Variants in DCC observed in about 807,000 individuals in gnomAD.
The protein encoded by DCC is netrin receptor DCC.
A neutral mutation model predicts 172.5 loss-of-function variants in DCC; 58 were observed. The observed-to-expected ratio is 0.34, with a 90% CI of 0.27 to 0.42. DCC has a LOEUF of 0.42. Among genes scored for constraint, DCC ranks in the 10% least tolerant of loss-of-function variants. The pLI, the probability that DCC is intolerant of heterozygous loss-of-function variation, is 1.00. For synonymous variants in DCC, 709 were observed against 644.5 expected (o/e 1.10, Z -1.52); for missense variants, 1,740 against 1,791.0 (o/e 0.97, Z 0.51).
At chr18:52,460,860 G>C (rs1350760307) in intron 1 of DCC, among the ~76,000 whole-genome samples, 1 of 152,160 alleles carries the variant, frequency 6.6e-6, no homozygotes, top group Non-Finnish European at 1.5e-5. Flanking sequence ...CTCTGGGTGA[G>C]TCAGTGAGTG....
chr18:53,448,532 A>G (rs1320536781), intron 22 of DCC, among the ~76,000 whole-genome samples: 1 of 152,188 alleles, frequency 6.6e-6, no homozygotes, highest in East Asian at 1.9e-4. Flanking sequence ...ACAATTCAAG[A>G]TGAGATTTAG....
chr18:53,135,256 C>T (rs1266290240), intron 7 of DCC, among the ~76,000 whole-genome samples: 1 of 152,088 alleles, frequency 6.6e-6, no homozygotes, highest in Non-Finnish European at 1.5e-5. Flanking sequence ...AAAAAGCCTC[C>T]TTCCAGAGAT....
intron 1 of DCC, among the ~76,000 whole-genome samples, chr18:52,467,659 C>T (rs1168897251): frequency 6.6e-6 from 1 of 152,170 alleles, no homozygotes; most frequent in Admixed American, 6.5e-5. Context: ...TTTACATTCC[C>T]ACCAACAGCG....
chr18:53,402,941 A>C (rs1909408474), intron 19 of DCC, 48 bp downstream of exon 19: 1 of 1,363,078 alleles, frequency 7.3e-7, no homozygotes, highest in Admixed American at 1.7e-5. Flanking sequence ...CTTGTCCTAT[A>C]ATTGCTTACC....
chr18:53,146,660 A>T (rs1231696782), intron 7 of DCC, among the ~76,000 whole-genome samples: 1 of 152,194 alleles, frequency 6.6e-6, no homozygotes, highest in Non-Finnish European at 1.5e-5. Flanking sequence ...TTTTTACTTT[A>T]TTCAAGAAAA....
rs368657072 is a variant in DCC, at chr18:52,856,450, A to C, written c.413-49594A>C. On this transcript the variant is annotated intron_variant, in intron 2 of 28. Coordinates refer to ENST00000442544, the MANE Select transcript of DCC (RefSeq NM_005215.4). ...ACCATCCTGGCTAACACGGTGAAAC[A>C]CCGTCTCTACTAAAAAATACAAAAA... 1.4e-3 allele frequency among the ~76,000 whole-genome samples: 205 copies of C among 151,448 alleles called. 1 individual carries two copies. Among genetic ancestry groups the C allele is most frequent in the African/African-American group, 4.7e-3 (194 of 41,326 alleles).
chr18:52,985,638 T>C (rs1275914686), intron 5 of DCC, among the ~76,000 whole-genome samples: 1 of 152,172 alleles, frequency 6.6e-6, no homozygotes, highest in Non-Finnish European at 1.5e-5. Context: ...TTTTTTCTTT[T>C]ACTTTTTTCA....
In DCC at chr18:52,804,590, C is replaced by T. The variant is rs979851054; in HGVS notation, c.412+52216C>T. The stretch of plus-strand genomic sequence containing the variant: ...TTGTTAGTTTGTTTTGTTTTTGAGA[C>T]GGAGTCTTGCTCTGTCACCAGGCTG... On this transcript the variant is annotated intron_variant, in intron 2 of 28. Coordinates refer to ENST00000442544, the MANE Select transcript of DCC (RefSeq NM_005215.4). Among the ~76,000 whole-genome samples, 3 of 152,110 alleles carry T rather than the reference C, an allele frequency of 2.0e-5. No individual in the cohort carries two copies. The South Asian group carries it at 6.2e-4, about 31-fold the overall frequency.
At chr18:53,353,288 A>T (rs1420083750) in intron 15 of DCC, among the ~76,000 whole-genome samples, 1 of 152,102 alleles carries the variant, frequency 6.6e-6, no homozygotes, top group East Asian at 1.9e-4. Context: ...GGAAAAAAAA[A>T]AAAAGGTATT....
intron 5 of DCC, among the ~76,000 whole-genome samples, chr18:52,956,715 A>G (rs1027618826): frequency 6.6e-6 from 1 of 152,276 alleles, no homozygotes; most frequent in African/African-American, 2.4e-5. Context: ...ACAATCAGTC[A>G]TATCAATGAC....
chr18:52,406,620 A>G (rs556893157), intron 1 of DCC, among the ~76,000 whole-genome samples: 1 of 152,240 alleles, frequency 6.6e-6, no homozygotes, highest in South Asian at 2.1e-4. Context: ...ATTAAAATAA[A>G]TGTTCAAAGA....
At chr18:53,508,419 C>T (rs549811023) in intron 27 of DCC, among the ~76,000 whole-genome samples, 11 of 150,142 alleles carry the variant, frequency 7.3e-5, no homozygotes, top group Non-Finnish European at 1.2e-4. Context: ...TCTCAAACTC[C>T]TGGGCTCAAG....
intron 5 of DCC, among the ~76,000 whole-genome samples, chr18:53,041,810 G>A (rs2144000447): frequency 6.6e-6 from 1 of 151,506 alleles, no homozygotes; most frequent in South Asian, 2.1e-4. Context: ...TGATTTGGCT[G>A]TCTACTATTT....
intron 1 of DCC, among the ~76,000 whole-genome samples, chr18:52,355,113 T>C (rs1274824617): frequency 6.6e-6 from 1 of 152,152 alleles, no homozygotes; most frequent in Admixed American, 6.5e-5. Context: ...TGTGTTTGCC[T>C]TCAGAGCACC....
Position 53,298,112 on chromosome 18 carries a change from C to CA in DCC, c.1912-7461dup, listed in dbSNP as rs1354116366. Among the ~76,000 whole-genome samples, 4 of 152,050 alleles carry CA rather than the reference C, an allele frequency of 2.6e-5. No individual in the cohort carries two copies. In the South Asian group the frequency reaches 6.2e-4, roughly 24 times the overall value. On this transcript the variant is annotated intron_variant, in intron 12 of 28. Coordinates refer to ENST00000442544, the MANE Select transcript of DCC (RefSeq NM_005215.4). ...CTCAAATGTGATAAAGAAAAATTGT[C>CA]AAAAACTATTACTTATGTAATCATT... is the stretch of plus-strand genomic sequence containing the variant.
chr18:53,524,513 G>A (rs1264334880), intron 27 of DCC, among the ~76,000 whole-genome samples: 1 of 151,970 alleles, frequency 6.6e-6, no homozygotes, highest in Non-Finnish European at 1.5e-5. Flanking sequence ...TTATAGCATA[G>A]GATAAGCACT....
intron 7 of DCC, among the ~76,000 whole-genome samples, chr18:53,108,933 G>C (rs987919239): frequency 6.6e-6 from 1 of 150,884 alleles, no homozygotes; most frequent in Non-Finnish European, 1.5e-5. Context: ...TTCTGTTGGT[G>C]TACATCTAAG....
At chr18:53,432,892 T>C (rs146558361) in intron 21 of DCC, among the ~76,000 whole-genome samples, 1,594 of 152,256 alleles carry the variant, frequency 0.01, 14 homozygotes, top group Non-Finnish European at 0.016. Context: ...CAAGAGATCT[T>C]AGGCTCATCA....
chr18:53,111,150 C>T (rs2043324457), intron 7 of DCC, among the ~76,000 whole-genome samples: 1 of 149,284 alleles, frequency 6.7e-6, no homozygotes, highest in Non-Finnish European at 1.5e-5. Flanking sequence ...ATCGCAAGGA[C>T]AAAAAACCAA....
Sources: gnomAD v4.1 joint callset for allele counts (sites outside exome capture counted in the v4.1 genomes callset) on GRCh38, gnomAD v4.1.1 for gene constraint, MANE v1.5 for transcripts, NCBI Gene and HGNC (gene_info 2026-07-23, HGNC 2026-07-21) for gene names.